The following ING4 variants were observed in gnomAD, a reference collection of about 807,000 sequenced individuals.
ING4 encodes the protein inhibitor of growth protein 4.
A neutral mutation model predicts 33.1 loss-of-function variants in ING4; 28 were observed. The ratio of observed to expected loss-of-function variants is 0.85; its 90% CI spans 0.63 to 1.16. The LOEUF is 1.16. Among genes scored for constraint, ING4 ranks in the 50% most tolerant of loss-of-function variants. ING4 has a pLI of 0.00. For synonymous variants in ING4, 87 were observed against 104.4 expected (o/e 0.83, Z 1.02); for missense variants, 247 against 314.7 (o/e 0.78, Z 1.63).
At chr12:6,651,678 AT>A (rs1463858399) in intron 6 of ING4, among the ~76,000 whole-genome samples, 1 of 152,058 alleles carries the variant, frequency 6.6e-6, no homozygotes, top group Non-Finnish European at 1.5e-5. Flanking sequence ...AGCAGCTGAG[AT>A]TACAGGCACA....
At chr12:6,656,226 T>G (rs1039962030) in intron 2 of ING4, among the ~76,000 whole-genome samples, 1 of 151,220 alleles carries the variant, frequency 6.6e-6, no homozygotes, top group Non-Finnish European at 1.5e-5. Flanking sequence ...TGGAGTGCAG[T>G]GACATGTGGC....
chr12:6,656,615 C>G, intron 2 of ING4, 112 bp downstream of exon 2: 1 of 685,522 alleles, frequency 1.5e-6, no homozygotes, highest in Non-Finnish European at 2.5e-6. Flanking sequence ...AAAAAAGGAG[C>G]GAGAGAAGCC....
In ING4 at chr12:6,651,150, G is replaced by A; in HGVS notation, c.*45C>T. 1 of 1,607,766 alleles carries A rather than the reference G, an allele frequency of 6.2e-7. No individual in the cohort carries two copies. The highest frequency in any genetic ancestry group is 8.5e-7 in the Non-Finnish European group (1 of 1,174,286). On this transcript the variant is annotated 3_prime_UTR_variant, in exon 8 of 8. Transcript: ENST00000341550. Reference sequence around the variant, plus strand: ...GGCATTCCTCTGCCCACTAGCCCAAGTCAGGGGATGTGGAAGAAACTGTGT... The same window carrying A: ...GGCATTCCTCTGCCCACTAGCCCAAATCAGGGGATGTGGAAGAAACTGTGT...
chr12:6,661,954 A>C (rs1489339801), intron 1 of ING4, among the ~76,000 whole-genome samples: 2 of 152,222 alleles, frequency 1.3e-5, no homozygotes, highest in African/African-American at 4.8e-5. Flanking sequence ...TATAAAAATC[A>C]TACTCTACTT....
chr12:6,652,990 CCTT>C lies in ING4; in HGVS notation c.334_336del (p.Lys112del). On this transcript the variant is annotated inframe_deletion, in exon 4 of 8. Coordinates refer to ENST00000341550, the MANE Select transcript of ING4 (RefSeq NM_016162.4). Reference sequence around the variant, plus strand: ...TAGTCACTTGACTCAATCTGTTTCTCCTTGAGATCAGCCTCAAAACGGGCCAGG... The same window carrying C: ...TAGTCACTTGACTCAATCTGTTTCTCGAGATCAGCCTCAAAACGGGCCAGG... 6.2e-7 allele frequency: 1 copy of C among 1,614,126 alleles called. No individual in the cohort carries two copies. The highest frequency in any genetic ancestry group is 8.5e-7 in the Non-Finnish European group (1 of 1,180,038).
chr12:6,652,477 C>G, intron 5 of ING4, 59 bp from the exon 6 acceptor site: 2 of 1,576,422 alleles, frequency 1.3e-6, no homozygotes, highest in Non-Finnish European at 1.7e-6. Context: ...AAGCCTGAGG[C>G]TTTCAGAGGT....
intron 2 of ING4, among the ~76,000 whole-genome samples, chr12:6,654,470 C>T (rs1949287799): frequency 6.6e-6 from 1 of 151,608 alleles, no homozygotes; most frequent in Non-Finnish European, 1.5e-5. Flanking sequence ...GTAGCTGGGA[C>T]CACAGGCACA....
In ING4 at chr12:6,656,550, A is replaced by G. The variant is rs1949359362; in HGVS notation, c.109+177T>C. 5 of 547,768 alleles carry G rather than the reference A, an allele frequency of 9.1e-6. No homozygotes were observed. In the Admixed American group the frequency reaches 2.1e-4, roughly 23 times the overall value. The allele number at this position is 547,768 out of a possible 1,614,324, so 33.9% of individuals were successfully genotyped here. A position where few individuals can be genotyped will look rare whatever the true frequency, so the allele number is the denominator to read the frequency against. ...TTTCACAATACTCTATTTGTTATGA[A>G]AAAGCTGACACAGAAATGAGGATCA... is the stretch of plus-strand genomic sequence containing the variant. On this transcript the variant is annotated intron_variant, in intron 2 of 7. Transcript: ENST00000341550.
In ING4 at chr12:6,651,210, T is replaced by C; in HGVS notation, c.732A>G (p.Glu244=). Residue 244 remains glutamate (E), a synonymous_variant, in exon 8 of 8, where the codon GAA becomes GAG. Coordinates refer to ENST00000341550, the MANE Select transcript of ING4 (RefSeq NM_016162.4). ...AGGCCCTTATCTATTTCTTCTTCCGTTCTTGGGAGCAGCGTGGGCAAAACC... is the reference window on the plus strand; with the variant it reads ...AGGCCCTTATCTATTTCTTCTTCCGCTCTTGGGAGCAGCGTGGGCAAAACC... ...GKWFCPRCSQ[E]RKKK 1.2e-6 allele frequency: 2 copies of C among 1,614,192 alleles called. No individual in the cohort carries two copies. The highest frequency in any genetic ancestry group is 1.7e-6 in the Non-Finnish European group (2 of 1,180,022).
chr12:6,662,630 G>A (rs781251832), intron 1 of ING4, among the ~76,000 whole-genome samples: 6 of 152,088 alleles, frequency 3.9e-5, no homozygotes, highest in Non-Finnish European at 5.9e-5. Flanking sequence ...ATCTGACAGT[G>A]GTCACTCATC....
Position 6,653,222 on chromosome 12 carries a change from G to A in ING4, c.276+8C>T. On this transcript the variant is annotated splice_region_variant and intron_variant, in intron 3 of 7. Coordinates refer to ENST00000341550, the MANE Select transcript of ING4 (RefSeq NM_016162.4). ...GAAGTAGGTGGGGAGCCATGAACAG[G>A]GCCATACCATCTCATAGGTCTGCAT... 1.9e-6 allele frequency: 3 copies of A among 1,613,826 alleles called. No homozygotes were observed. The highest frequency in any genetic ancestry group is 1.7e-6 in the Non-Finnish European group (2 of 1,179,840).
chr12:6,663,097 G>A lies in ING4; in HGVS notation c.5C>T (p.Ala2Val), dbSNP rs1311841958. 1 of 1,614,036 alleles carries A rather than the reference G, an allele frequency of 6.2e-7. No homozygotes were observed. The highest frequency in any genetic ancestry group is 8.5e-7 in the Non-Finnish European group (1 of 1,180,010). The part of the protein sequence containing the change: M[A>V]AGMYLEHYLD... ...ATAATGTTCCAAATACATCCCCGCA[G>A]CCATCTCGAAGCAAAACAAAGCAAC... Residue 2 changes from alanine (A) to valine (V), a missense_variant, in exon 1 of 8, where the codon GCT (alanine) becomes GTT (valine). Physicochemically the swap from Ala to Val is moderately conservative, Grantham distance 64 (BLOSUM62 0). This residue lies in a region of ING4 where 198 missense variants were observed against 221.2 expected (regional missense o/e 0.89). Coordinates refer to ENST00000341550, the MANE Select transcript of ING4 (RefSeq NM_016162.4).
intron 5 of ING4, 109 bp downstream of exon 5, chr12:6,652,553 A>G: frequency 1.5e-6 from 2 of 1,368,980 alleles, no homozygotes; most frequent in Non-Finnish European, 2.1e-6. Flanking sequence ...TGATAAGAAG[A>G]GTTCTTGGCG....
chr12:6,653,566 A>C (rs1949253593), intron 2 of ING4, among the ~76,000 whole-genome samples, 170 bp from the exon 3 acceptor site: 1 of 152,234 alleles, frequency 6.6e-6, no homozygotes, highest in Admixed American at 6.5e-5. Context: ...GAACATACTG[A>C]CAATATTTGC....
chr12:6,653,210 A>G lies in ING4; in HGVS notation c.276+20T>C. On this transcript the variant is annotated intron_variant, in intron 3 of 7. Coordinates refer to ENST00000341550, the MANE Select transcript of ING4 (RefSeq NM_016162.4). ...AGGATTAGATGGGAAGTAGGTGGGG[A>G]GCCATGAACAGGGCCATACCATCTC... 6.2e-7 allele frequency: 1 copy of G among 1,613,046 alleles called. No homozygotes were observed. Among genetic ancestry groups the G allele is most frequent in the Non-Finnish European group, 8.5e-7 (1 of 1,179,312 alleles).
chr12:6,656,613 A>G, intron 2 of ING4, 114 bp downstream of exon 2: 1 of 683,474 alleles, frequency 1.5e-6, no homozygotes, highest in South Asian at 1.8e-5. Context: ...GTAAAAAAGG[A>G]GCGAGAGAAG....
chr12:6,660,979 G>C (rs576980782), intron 1 of ING4, among the ~76,000 whole-genome samples: 3 of 152,232 alleles, frequency 2.0e-5, no homozygotes, highest in African/African-American at 7.2e-5. Flanking sequence ...TTTTAGTAGA[G>C]ACGGGGTTTC....
At chr12:6,653,204 G>A (rs1592318383) in intron 3 of ING4, 26 bp downstream of exon 3, 2 of 1,612,822 alleles carry the variant, frequency 1.2e-6, no homozygotes, top group East Asian at 2.2e-5. Flanking sequence ...TGGGAAGTAG[G>A]TGGGGAGCCA....
At chr12:6,662,332 T>C (rs74057056) in intron 1 of ING4, among the ~76,000 whole-genome samples, 5,711 of 152,194 alleles carry the variant, frequency 0.038, 387 homozygotes, top group African/African-American at 0.13. Flanking sequence ...TGTCACAGTG[T>C]TTTATAATTA....
Sources: gnomAD v4.1 joint callset for allele counts (sites outside exome capture counted in the v4.1 genomes callset) on GRCh38, gnomAD v4.1.1 for gene constraint, gnomAD v4.1.1 regional missense constraint, MANE v1.5 for transcripts, NCBI Gene and HGNC (gene_info 2026-07-23, HGNC 2026-07-21) for gene names.